The following NEURL1 variants were observed in gnomAD, a reference collection of about 807,000 sequenced individuals.
NEURL1 encodes the protein E3 ubiquitin-protein ligase NEURL1.
Under a neutral mutation model 41.2 loss-of-function variants are expected in NEURL1, and 26 were observed. The ratio of observed to expected loss-of-function variants is 0.63; its 90% CI spans 0.46 to 0.87. NEURL1 has a LOEUF of 0.87. NEURL1 is among the 40% of genes least tolerant of loss of function. NEURL1 has a pLI of 0.00. For missense variants in NEURL1, 761 were observed against 871.1 expected, an observed-to-expected ratio of 0.87 and a Z score of 1.59; for synonymous variants, 400 against 402.3, an observed-to-expected ratio of 0.99 and a Z score of 0.07.
Position 103,508,408 on chromosome 10 carries a change from A to G in NEURL1, c.85+13936A>G, listed in dbSNP as rs1013476069. Among the ~76,000 whole-genome samples, 2 of 152,172 alleles carry G rather than the reference A, an allele frequency of 1.3e-5. No homozygotes were observed. Among genetic ancestry groups the G allele is most frequent in the Non-Finnish European group, 2.9e-5 (2 of 68,024 alleles). Reference sequence around the variant, plus strand: ...TCCATTTGCGACTCTCATCCTCAGGATACAGCTAGGACCTCTTTCTGTCTC... The same window carrying G: ...TCCATTTGCGACTCTCATCCTCAGGGTACAGCTAGGACCTCTTTCTGTCTC... On this transcript the variant is annotated intron_variant, in intron 1 of 5. Transcript: ENST00000369780. The surrounding 1 kb of genome is among the most constrained non-coding windows in gnomAD (Gnocchi z 4.3).
intron 1 of NEURL1, among the ~76,000 whole-genome samples, chr10:103,504,551 C>A (rs1277711192): frequency 6.6e-6 from 1 of 152,160 alleles, no homozygotes; most frequent in Admixed American, 6.5e-5. Context: ...TTGATGTTGA[C>A]CTTGAGCGCC....
intron 1 of NEURL1, among the ~76,000 whole-genome samples, chr10:103,534,890 C>T (rs1292912536): frequency 6.6e-6 from 1 of 152,122 alleles, no homozygotes; most frequent in Admixed American, 6.5e-5. Flanking sequence ...CTCTGAAGCA[C>T]CCGCTATCAG....
intron 1 of NEURL1, among the ~76,000 whole-genome samples, chr10:103,498,517 C>T (rs543269769): frequency 1.1e-4 from 16 of 152,328 alleles, no homozygotes; most frequent in Admixed American, 5.9e-4. Flanking sequence ...TGAGCCACCG[C>T]GCCAGGCCCA....
rs140399238 is a variant in NEURL1, at chr10:103,516,084, C to T, written c.85+21612C>T. ...TTCTACAAAAATATAAAAAATTAGCCGAGTGTGGTGGTGTGCGCCTGTAGT... is the reference window on the plus strand; with the variant it reads ...TTCTACAAAAATATAAAAAATTAGCTGAGTGTGGTGGTGTGCGCCTGTAGT... On this transcript the variant is annotated intron_variant, in intron 1 of 5. Transcript: ENST00000369780. Among the ~76,000 whole-genome samples, 188 of 151,414 alleles carry T rather than the reference C, an allele frequency of 1.2e-3. 1 individual carries two copies. The highest frequency in any genetic ancestry group is 3.4e-3 in the Admixed American group (51 of 15,202).
rs932868548 is a variant in NEURL1 at position 103,558,880 on chromosome 10, G to A, written c.86-11992G>A. Among the ~76,000 whole-genome samples, 1 of 152,096 alleles carries A rather than the reference G, an allele frequency of 6.6e-6. No homozygotes were observed. Among genetic ancestry groups the A allele is most frequent in the African/African-American group, 2.4e-5 (1 of 41,400 alleles). On this transcript the variant is annotated intron_variant, in intron 1 of 5. Coordinates refer to ENST00000369780, the MANE Select transcript of NEURL1 (RefSeq NM_004210.5). This position sits in a 1 kb window ranked among gnomAD's most constrained non-coding sequence, Gnocchi z 4.2. ...ACCCCTTGCTGACGGCTGATGTGTG[G>A]GTGACACACGCACCTGCACCCAGAC...
chr10:103,505,156 C>G (rs3014209), intron 1 of NEURL1, among the ~76,000 whole-genome samples: 112,886 of 150,748 alleles, frequency 0.75, 42,472 homozygotes, highest in East Asian at 1. Context: ...TGGGCTCAAG[C>G]AATCCTCCCA....
chr10:103,541,556 TAGCTGGGGTG>T (rs1428122694), intron 1 of NEURL1, among the ~76,000 whole-genome samples: 2 of 152,198 alleles, frequency 1.3e-5, no homozygotes, highest in South Asian at 2.1e-4. Flanking sequence ...CACGCATCAC[TAGCTGGGGTG>T]AGCTGTGGGA....
At chr10:103,538,536 ACTCCAGCCT>A (rs2034746654) in intron 1 of NEURL1, among the ~76,000 whole-genome samples, 2 of 150,862 alleles carry the variant, frequency 1.3e-5, no homozygotes, top group African/African-American at 4.9e-5. Flanking sequence ...GTGCCACTGC[ACTCCAGCCT>A]GAAAGACAGA....
At chr10:103,522,044 T>G (rs2034361172) in intron 1 of NEURL1, among the ~76,000 whole-genome samples, 1 of 152,048 alleles carries the variant, frequency 6.6e-6, no homozygotes, top group Non-Finnish European at 1.5e-5. Context: ...CACAAGGTGC[T>G]CAGTGGGGGA....
intron 1 of NEURL1, among the ~76,000 whole-genome samples, chr10:103,504,807 G>C (rs759669784): frequency 6.6e-6 from 1 of 152,084 alleles, no homozygotes; most frequent in Non-Finnish European, 1.5e-5. Flanking sequence ...CTGGGTAAAG[G>C]CTTTGAAGGA....
At chr10:103,579,194 C>T (rs1219225083) in intron 3 of NEURL1, among the ~76,000 whole-genome samples, 2 of 152,200 alleles carry the variant, frequency 1.3e-5, no homozygotes, top group African/African-American at 2.4e-5. Context: ...TGTCTCCTCC[C>T]GCTCCCACTC....
At chr10:103,520,628 T>C (rs544477536) in intron 1 of NEURL1, among the ~76,000 whole-genome samples, 44 of 152,268 alleles carry the variant, frequency 2.9e-4, no homozygotes, top group African/African-American at 9.9e-4. Flanking sequence ...TGGCTTGAGC[T>C]CAGAGGCCTG....
intron 1 of NEURL1, among the ~76,000 whole-genome samples, chr10:103,569,497 T>C (rs886991619): frequency 3.3e-5 from 5 of 152,216 alleles, no homozygotes; most frequent in Non-Finnish European, 7.4e-5. Context: ...TGTCTGAGGC[T>C]GGCCTGAGCC....
intron 3 of NEURL1, 41 bp from the exon 4 acceptor site, chr10:103,584,495 C>A (rs2133884768): frequency 1.6e-6 from 2 of 1,273,428 alleles, no homozygotes; most frequent in Non-Finnish European, 9.9e-7. Context: ...GGGCCGCCTC[C>A]CGAGAGCCCT....
At chr10:103,507,265 C>A (rs1305362386) in intron 1 of NEURL1, among the ~76,000 whole-genome samples, 1 of 152,176 alleles carries the variant, frequency 6.6e-6, no homozygotes, top group Non-Finnish European at 1.5e-5. Flanking sequence ...GCAGATGCTC[C>A]TCTGCTTAGA....
intron 1 of NEURL1, among the ~76,000 whole-genome samples, chr10:103,557,816 C>G (rs1440500227): frequency 2.6e-5 from 4 of 152,218 alleles, no homozygotes; most frequent in African/African-American, 7.2e-5. Context: ...CCTAGGGGTG[C>G]CGTAGCCTGT....
intron 1 of NEURL1, among the ~76,000 whole-genome samples, chr10:103,514,112 C>CT (rs1164556278): frequency 1.2e-4 from 18 of 150,262 alleles, no homozygotes; most frequent in Admixed American, 4.0e-4. Flanking sequence ...CTTTTTTTTT[C>CT]TTTTTTTTGA....
At chr10:103,529,844 C>T (rs990937556) in intron 1 of NEURL1, among the ~76,000 whole-genome samples, 8 of 152,148 alleles carry the variant, frequency 5.3e-5, no homozygotes, top group Non-Finnish European at 1.0e-4. Context: ...AGTATCATCC[C>T]TTTGTGATTC....
At chr10:103,580,559 G>A (rs1396333566) in intron 3 of NEURL1, among the ~76,000 whole-genome samples, 6 of 152,158 alleles carry the variant, frequency 3.9e-5, no homozygotes, top group Non-Finnish European at 1.5e-5. Context: ...TGTGACCTTT[G>A]CCGTCCCTTC....
Sources: allele counts gnomAD v4.1 joint callset (sites outside exome capture counted in the v4.1 genomes callset), GRCh38; gene constraint gnomAD v4.1.1; non-coding constraint Gnocchi (gnomAD v3.1); transcripts MANE v1.5; gene names NCBI Gene and HGNC (gene_info 2026-07-23, HGNC 2026-07-21).